The following ING2 variants were observed in gnomAD, a reference collection of about 807,000 sequenced individuals.
ING2 encodes inhibitor of growth protein 2.
A neutral mutation model predicts 30.6 loss-of-function variants in ING2; 7 were observed. The observed-to-expected ratio is 0.23, with a 90% CI of 0.13 to 0.43. The LOEUF is 0.43. Ranked by LOEUF, ING2 falls within the 20% of genes least tolerant of loss-of-function variation. The probability of loss-of-function intolerance (pLI) is 1.00; values close to 1 mark genes in which losing one functional copy is unlikely to be tolerated. For missense variants in ING2, 239 were observed against 334.9 expected (o/e 0.71, Z 2.24); for synonymous variants, 136 against 121.7 (o/e 1.12, Z -0.78).
Position 183,511,684 on chromosome 4 carries a change from A to G in ING2, c.*732A>G, listed in dbSNP as rs1344521309. Among the ~76,000 whole-genome samples the G allele has an allele frequency of 6.6e-6, 1 of 152,228 alleles. No homozygotes were observed. The highest frequency in any genetic ancestry group is 1.5e-5 in the Non-Finnish European group (1 of 68,020). ...AGAGTAGTTAGCATACCAAAAATATACATTGGCTTACATTGGCAAACTTTG... is the reference window on the plus strand; with the variant it reads ...AGAGTAGTTAGCATACCAAAAATATGCATTGGCTTACATTGGCAAACTTTG... On this transcript the variant is annotated 3_prime_UTR_variant, in exon 2 of 2. Coordinates refer to ENST00000302327, the MANE Select transcript of ING2 (RefSeq NM_001564.4).
chr4:183,509,955 T>TG (rs1165273638), intron 1 of ING2, among the ~76,000 whole-genome samples: 4 of 141,498 alleles, frequency 2.8e-5, no homozygotes, highest in Admixed American at 7.1e-5. Context: ...AGGTTGGTCT[T>TG]GAACTCCTGA....
chr4:183,506,312 G>A, intron 1 of ING2: 2 of 1,304,052 alleles, frequency 1.5e-6, no homozygotes, highest in South Asian at 1.2e-5. Context: ...GCGGATCCTG[G>A]CTCCGCGTAG....
chr4:183,505,994 G>A (rs1177738722), intron 1 of ING2: 1 of 770,910 alleles, frequency 1.3e-6, no homozygotes, highest in Non-Finnish European at 1.7e-6. Flanking sequence ...AAGAGGGGAG[G>A]GGTCCCCCGC....
At chr4:183,506,185 G>A (rs1288165523) in intron 1 of ING2, 1 of 1,297,084 alleles carries the variant, frequency 7.7e-7, no homozygotes, top group South Asian at 1.2e-5. Flanking sequence ...GCTGTGCGGG[G>A]GCGTTGGTTC....
Position 183,510,488 on chromosome 4 carries a change from G to A in ING2, c.379G>A (p.Asp127Asn). The A allele has an allele frequency of 6.2e-7, 1 of 1,614,116 alleles. No individual in the cohort carries two copies. Among genetic ancestry groups the A allele is most frequent in the Admixed American group, 1.7e-5 (1 of 60,032 alleles). The change falls in exon 2 of 2, where the codon GAT becomes AAT. Residue 127 changes from aspartate to asparagine, a missense_variant. Physicochemically the swap from Asp to Asn is conservative, Grantham distance 23 (BLOSUM62 1). Around this residue, in one of 5 missense-constraint regions of ING2, gnomAD observed 115 missense variants for 120.1 expected, o/e 0.96. Transcript: ENST00000302327. ...QMELHSQCFQ[D>N]PAESERASDK... The stretch of plus-strand genomic sequence containing the variant: ...GGAGTTACACTCACAGTGTTTCCAA[G>A]ATCCTGCTGAAAGTGAACGAGCCTC...
At chr4:183,508,417 G>A (rs958306291) in intron 1 of ING2, among the ~76,000 whole-genome samples, 2 of 151,874 alleles carry the variant, frequency 1.3e-5, no homozygotes, top group African/African-American at 4.8e-5. Flanking sequence ...TTTCCTGTAG[G>A]GAAATGAGGT....
In ING2 at chr4:183,505,184, CGGATCGGCAG is replaced by C. The variant is rs1227874043; in HGVS notation, c.-10_-1del. On this transcript the variant is annotated 5_prime_UTR_variant, in exon 1 of 2. Coordinates refer to ENST00000302327, the MANE Select transcript of ING2 (RefSeq NM_001564.4). ...GGATGCGGAGGCGGCGGCGACGGCG[CGGATCGGCAG>C]GATGTTAGGGCAGCAGCAGCAGCAA... 6.3e-7 allele frequency: 1 copy of C among 1,592,342 alleles called. No homozygotes were observed. Among genetic ancestry groups the C allele is most frequent in the Non-Finnish European group, 8.5e-7 (1 of 1,171,662 alleles).
Position 183,510,936 on chromosome 4 carries a change from A to T in ING2, c.827A>T (p.Asp276Val), listed in dbSNP as rs1367692591. 6.3e-7 allele frequency: 1 copy of T among 1,593,672 alleles called. No individual in the cohort carries two copies. Among genetic ancestry groups the T allele is most frequent in the East Asian group, 2.3e-5 (1 of 44,438 alleles). ...MDKSTEKTKK[D>V]RRSR ...AAAAGTACTGAAAAGACAAAAAAGG[A>T]TAGAAGATCGAGGTAGTAAAGGCCA... The change falls in exon 2 of 2, where the codon GAT becomes GTT. Residue 276 changes from aspartate to valine, a missense_variant. Asp to Val is a radical substitution (Grantham distance 152). This residue lies in a region of ING2 where 20 missense variants were observed against 17.3 expected (regional missense o/e 1.16). Transcript: ENST00000302327.
chr4:183,510,450 G>A lies in ING2; in HGVS notation c.341G>A (p.Arg114Gln). 1 of 1,614,142 alleles carries A rather than the reference G, an allele frequency of 6.2e-7. No individual in the cohort carries two copies. The highest frequency in any genetic ancestry group is 8.5e-7 in the Non-Finnish European group (1 of 1,180,026). Reference protein sequence around the residue: ...VTQMLELVENRARQMELHSQC... With the variant: ...VTQMLELVENQARQMELHSQC... ...CAAATGCTCGAATTGGTGGAAAATC[G>A]GGCAAGACAAATGGAGTTACACTCA... The change falls in exon 2 of 2, where the codon CGG (arginine) becomes CAG (glutamine). Residue 114 changes from arginine to glutamine, a missense_variant. By Grantham distance (43) the Arg-to-Gln change is conservative (BLOSUM62 1). This residue lies in a region of ING2 where 115 missense variants were observed against 120.1 expected (regional missense o/e 0.96). Coordinates refer to ENST00000302327, the MANE Select transcript of ING2 (RefSeq NM_001564.4).
At chr4:183,506,070 T>C (rs1455842626) in intron 1 of ING2, 8 of 1,143,646 alleles carry the variant, frequency 7.0e-6, no homozygotes, top group African/African-American at 1.7e-5. Flanking sequence ...GCCTGCGGGC[T>C]TGACGAGGGG....
chr4:183,508,033 T>C (rs1734719910), intron 1 of ING2, among the ~76,000 whole-genome samples: 1 of 152,068 alleles, frequency 6.6e-6, no homozygotes, highest in Admixed American at 6.5e-5. Flanking sequence ...ATATAGTTTA[T>C]AGAAAGTGCT....
At position 183,510,921 on chromosome 4, in the gene ING2, A is replaced by C. The variant is rs752962040; in HGVS notation, c.812A>C (p.Glu271Ala). 1.9e-6 allele frequency: 3 copies of C among 1,599,318 alleles called. No homozygotes were observed. The highest frequency in any genetic ancestry group is 3.4e-5 in the Admixed American group (2 of 58,910). Residue 271 changes from glutamate (E) to alanine (A), a missense_variant, in exon 2 of 2, where the codon GAA (glutamate) becomes GCA (alanine). Physicochemically the swap from Glu to Ala is moderately radical, Grantham distance 107. Coordinates refer to ENST00000302327, the MANE Select transcript of ING2 (RefSeq NM_001564.4). ...GAGAAAACAATGGACAAAAGTACTG[A>C]AAAGACAAAAAAGGATAGAAGATCG... Reference protein sequence around the residue: ...DNEKTMDKSTEKTKKDRRSR With the variant: ...DNEKTMDKSTAKTKKDRRSR
chr4:183,511,785 G>C lies in ING2; in HGVS notation c.*833G>C, dbSNP rs1734826662. On this transcript the variant is annotated 3_prime_UTR_variant, in exon 2 of 2. Transcript: ENST00000302327. ...ATTAATAGTATTTTCCATGTGACCT[G>C]CTGCCAGGATGCGTAGCCACAGGCC... 6.6e-6 allele frequency among the ~76,000 whole-genome samples: 1 copy of C among 152,176 alleles called. No individual in the cohort carries two copies. The highest frequency in any genetic ancestry group is 6.5e-5 in the Admixed American group (1 of 15,278).
intron 1 of ING2, among the ~76,000 whole-genome samples, chr4:183,508,850 G>A (rs1003991549): frequency 6.6e-6 from 1 of 152,144 alleles, no homozygotes; most frequent in Non-Finnish European, 1.5e-5. Context: ...GGTGACATCT[G>A]AAATTATATT....
intron 1 of ING2, chr4:183,506,404 T>C (rs973106180): frequency 2.1e-6 from 2 of 965,554 alleles, no homozygotes. Context: ...CCCGAGCCCC[T>C]CCTTCTCCGA....
In ING2 at chr4:183,505,167, A is replaced by AGGCGGC. The variant is rs772038167; in HGVS notation, c.-24_-19dup. ...GTGCATGTGCGGCTGCTGGATGCGG[A>AGGCGGC]GGCGGCGGCGACGGCGCGGATCGGC... On this transcript the variant is annotated 5_prime_UTR_variant, in exon 1 of 2. Transcript: ENST00000302327. The AGGCGGC allele has an allele frequency of 1.7e-5, 27 of 1,580,492 alleles. No homozygotes were observed. Among genetic ancestry groups the AGGCGGC allele is most frequent in the Non-Finnish European group, 2.3e-5 (27 of 1,166,876 alleles).
Position 183,510,805 on chromosome 4 carries a change from G to A in ING2, c.696G>A (p.Gln232=). Residue 232 remains glutamine, a synonymous_variant, in exon 2 of 2, where the codon CAG becomes CAA. Transcript: ENST00000302327. ...YGEMIGCDNE[Q]CPIEWFHFSC... The stretch of plus-strand genomic sequence containing the variant: ...AGATGATAGGATGTGACAATGAACA[G>A]TGTCCAATTGAATGGTTTCACTTTT... 1 of 1,614,190 alleles carries A rather than the reference G, an allele frequency of 6.2e-7. No individual in the cohort carries two copies. Among genetic ancestry groups the A allele is most frequent in the Non-Finnish European group, 8.5e-7 (1 of 1,180,028 alleles).
chr4:183,511,150 C>A lies in ING2; in HGVS notation c.*198C>A. 1 of 469,014 alleles carries A rather than the reference C, an allele frequency of 2.1e-6. No individual in the cohort carries two copies. The highest frequency in any genetic ancestry group is 3.7e-6 in the Non-Finnish European group (1 of 267,158). The allele number at this position is 469,014 out of a possible 1,614,324, so 29.1% of individuals were successfully genotyped here. On this transcript the variant is annotated 3_prime_UTR_variant, in exon 2 of 2. Coordinates refer to ENST00000302327, the MANE Select transcript of ING2 (RefSeq NM_001564.4). ...TACCAAATATTTCCAACCAGGTAGT[C>A]TTCAGATCACCTGATGAAAGGAGCA...
intron 1 of ING2, among the ~76,000 whole-genome samples, chr4:183,510,027 C>A (rs892216714): frequency 6.6e-6 from 1 of 152,208 alleles, no homozygotes; most frequent in African/African-American, 2.4e-5. Flanking sequence ...TGAGCCACCG[C>A]GCCCAGCCTC....
Sources: allele counts gnomAD v4.1 joint callset (sites outside exome capture counted in the v4.1 genomes callset), GRCh38; gene constraint gnomAD v4.1.1; regional missense constraint gnomAD v4.1.1; transcripts MANE v1.5; gene names NCBI Gene and HGNC (gene_info 2026-07-23, HGNC 2026-07-21).